Variants in SPAM1 observed in about 807,000 individuals in gnomAD.
SPAM1 encodes the protein hyaluronidase PH-20.
A neutral mutation model predicts 29.6 loss-of-function variants in SPAM1; 22 were observed. The observed-to-expected ratio is 0.74, with a 90% CI of 0.53 to 1.06. SPAM1 has a LOEUF of 1.06. Ranked by LOEUF, SPAM1 falls within the 50% of genes least tolerant of loss-of-function variation. The probability of loss-of-function intolerance (pLI) is 0.00; values close to 1 mark genes in which losing one functional copy is unlikely to be tolerated. For synonymous variants in SPAM1, 194 were observed against 204.6 expected (o/e 0.95, Z 0.44); for missense variants, 534 against 604.0 (o/e 0.88, Z 1.21).
intron 1 of SPAM1, among the ~76,000 whole-genome samples, chr7:123,948,164 G>T (rs191565471): frequency 1.3e-5 from 2 of 152,086 alleles, no homozygotes; most frequent in Non-Finnish European, 2.9e-5. Context: ...CCTTTCATTC[G>T]TGAAAATACT....
intron 1 of SPAM1, among the ~76,000 whole-genome samples, chr7:123,935,936 A>G (rs1374429861): frequency 6.6e-6 from 1 of 152,112 alleles, no homozygotes; most frequent in African/African-American, 2.4e-5. Context: ...TTAAAGGCTT[A>G]TTACAAGCAA....
chr7:123,940,781 C>T (rs1408934080), intron 1 of SPAM1, among the ~76,000 whole-genome samples: 2 of 152,154 alleles, frequency 1.3e-5, no homozygotes, highest in Admixed American at 6.5e-5. Context: ...CAGCCATGAG[C>T]TATGGTGGTG....
In SPAM1 at chr7:123,953,488, T is replaced by C. The variant is rs1389638484; in HGVS notation, c.-83T>C. The C allele has an allele frequency of 1.4e-6, 1 of 717,054 alleles. No individual in the cohort carries two copies. The highest frequency in any genetic ancestry group is 2.3e-6 in the Non-Finnish European group (1 of 437,274). The allele number at this position is 717,054 out of a possible 1,614,324, so 44.4% of individuals were successfully genotyped here. ...TGAATTCATTCCATTCCCTTTCATCTGTGCTCATACTTTGCATCAGATATT... is the reference window on the plus strand; with the variant it reads ...TGAATTCATTCCATTCCCTTTCATCCGTGCTCATACTTTGCATCAGATATT... On this transcript the variant is annotated 5_prime_UTR_variant, in exon 3 of 5. Coordinates refer to ENST00000682466, the MANE Select transcript of SPAM1 (RefSeq NM_153189.3).
chr7:123,965,443 T>G (rs1370698053), intron 5 of SPAM1, among the ~76,000 whole-genome samples: 3 of 152,096 alleles, frequency 2.0e-5, no homozygotes, highest in Non-Finnish European at 2.9e-5. Flanking sequence ...GGGTTTTACA[T>G]GTAAGTCTTT....
intron 1 of SPAM1, among the ~76,000 whole-genome samples, chr7:123,937,394 G>A (rs1009427295): frequency 6.6e-6 from 1 of 152,062 alleles, no homozygotes; most frequent in Non-Finnish European, 1.5e-5. Context: ...AAAGTCAGGA[G>A]ATCGAGACCA....
chr7:123,934,985 G>A (rs1202839524), intron 1 of SPAM1, among the ~76,000 whole-genome samples: 1 of 152,082 alleles, frequency 6.6e-6, no homozygotes, highest in Non-Finnish European at 1.5e-5. Context: ...CAAATAGCTA[G>A]AAGATTTTGA....
At chr7:123,963,303 C>CA (rs1184414944), downstream of SPAM1, among the ~76,000 whole-genome samples, 1 of 151,632 alleles carries the variant, frequency 6.6e-6, no homozygotes, top group Non-Finnish European at 1.5e-5. Flanking sequence ...GGTTTCTAAT[C>CA]AGTAATGTTG....
intron 1 of SPAM1, among the ~76,000 whole-genome samples, chr7:123,931,237 C>G (rs1808069519): frequency 2.0e-5 from 3 of 152,176 alleles, no homozygotes; most frequent in African/African-American, 7.2e-5. Context: ...GCCATAAAAA[C>G]TAGAATTTCT....
chr7:123,946,984 T>C (rs749820512), intron 1 of SPAM1, among the ~76,000 whole-genome samples: 2 of 152,154 alleles, frequency 1.3e-5, no homozygotes, highest in African/African-American at 2.4e-5. Context: ...CTGACATAGT[T>C]TCTAGGTTGA....
chr7:123,949,031 T>C (rs1808681927), intron 1 of SPAM1, among the ~76,000 whole-genome samples: 1 of 151,704 alleles, frequency 6.6e-6, no homozygotes, highest in Non-Finnish European at 1.5e-5. Flanking sequence ...AATCCTAATC[T>C]TCCCATAACA....
At chr7:123,954,772 T>C (rs1034795942) in intron 3 of SPAM1, among the ~76,000 whole-genome samples, 1 of 152,028 alleles carries the variant, frequency 6.6e-6, no homozygotes, top group Non-Finnish European at 1.5e-5. Context: ...AGTTTCTTTT[T>C]TTTTTCTTTC....
rs998978821 is a variant in SPAM1 at position 123,926,777 on chromosome 7, C to T, written c.-319+1425C>T. Among the ~76,000 whole-genome samples, 8 of 151,944 alleles carry T rather than the reference C, an allele frequency of 5.3e-5. No individual in the cohort carries two copies. In the East Asian group the frequency reaches 5.8e-4, roughly 11 times the overall value. ...TTGAGGTTGTCTGAAGACCTGGGAT[C>T]GATAGAAAGGAATGTTCAGGTTAAA... On this transcript the variant is annotated intron_variant, in intron 1 of 4. Coordinates refer to ENST00000682466, the MANE Select transcript of SPAM1 (RefSeq NM_153189.3).
chr7:123,952,879 G>A (rs1309819979), intron 2 of SPAM1, among the ~76,000 whole-genome samples: 1 of 130,232 alleles, frequency 7.7e-6, no homozygotes, highest in Non-Finnish European at 1.6e-5. Flanking sequence ...GCAGAAGTGA[G>A]TTTGCTCCCC....
intron 4 of SPAM1, among the ~76,000 whole-genome samples, chr7:123,956,143 A>C (rs2117064852): frequency 6.6e-6 from 1 of 152,054 alleles, no homozygotes; most frequent in East Asian, 2.0e-4. Context: ...TTTTAATGGC[A>C]CTTTAAGCTT....
intron 5 of SPAM1, among the ~76,000 whole-genome samples, chr7:123,966,798 A>C (rs56121632): frequency 0.12 from 18,976 of 151,914 alleles, 1,268 homozygotes; most frequent in South Asian, 0.15. Flanking sequence ...TAGCTAATGG[A>C]TGCTGGACTT....
intron 4 of SPAM1, among the ~76,000 whole-genome samples, chr7:123,958,809 G>A (rs10276410): frequency 0.068 from 10,360 of 151,644 alleles, 1,036 homozygotes; most frequent in African/African-American, 0.22. Flanking sequence ...TCCAGCCTGG[G>A]CAACAGAGTA....
downstream of SPAM1, among the ~76,000 whole-genome samples, chr7:123,962,302 G>C (rs1444117646): frequency 6.6e-6 from 1 of 151,706 alleles, no homozygotes; most frequent in Non-Finnish European, 1.5e-5. Context: ...AGACCCCTTG[G>C]TCACTTGTAT....
intron 4 of SPAM1, 25 bp downstream of exon 4, chr7:123,955,111 G>A (rs1792221252): frequency 2.8e-6 from 4 of 1,433,706 alleles, no homozygotes; most frequent in African/African-American, 2.8e-5. Flanking sequence ...TAGAAAATAG[G>A]TGAAAATATT....
intron 1 of SPAM1, among the ~76,000 whole-genome samples, chr7:123,944,691 G>A (rs902250655): frequency 3.3e-5 from 5 of 152,026 alleles, no homozygotes; most frequent in Admixed American, 6.6e-5. Context: ...ATTTCCTTTA[G>A]ACCTTCAAGA....
Sources: gnomAD v4.1 joint callset for allele counts (sites outside exome capture counted in the v4.1 genomes callset) on GRCh38, gnomAD v4.1.1 for gene constraint, MANE v1.5 for transcripts, NCBI Gene and HGNC (gene_info 2026-07-23, HGNC 2026-07-21) for gene names.